Variants in HOOK3 observed in about 807,000 individuals in gnomAD.
HOOK3 encodes hook microtubule tethering protein 3.
HOOK3 carries 24 observed loss-of-function variants against 116.3 expected under a neutral mutation model. The ratio of observed to expected loss-of-function variants is 0.21; its 90% CI spans 0.15 to 0.29. The LOEUF is 0.29. Among genes scored for constraint, HOOK3 ranks in the 10% least tolerant of loss-of-function variants. The pLI is 1.00. For missense variants in HOOK3, 632 were observed against 830.2 expected (o/e 0.76, Z 2.93); for synonymous variants, 275 against 283.0 (o/e 0.97, Z 0.28).
intron 3 of HOOK3, 45 bp downstream of exon 3, chr8:42,925,674 G>T (rs200235234): frequency 1.6e-6 from 2 of 1,285,178 alleles, no homozygotes; most frequent in East Asian, 4.7e-5. Flanking sequence ...ATTTGTATGT[G>T]TATAATATCT....
At chr8:42,930,017 TTTATGA>T in intron 3 of HOOK3, 99 bp from the exon 4 acceptor site, 1 of 955,926 alleles carries the variant, frequency 1.0e-6, no homozygotes, top group Middle Eastern at 2.2e-4. Context: ...TAATATTTAC[TTTATGA>T]TTAACTGCAG....
chr8:42,971,282 ACAGAGT>A (rs1255168428), intron 11 of HOOK3, among the ~76,000 whole-genome samples: 1 of 151,630 alleles, frequency 6.6e-6, no homozygotes, highest in Non-Finnish European at 1.5e-5. Flanking sequence ...TTTTCTGGAG[ACAGAGT>A]CAGAGTCTCG....
In HOOK3 at chr8:42,968,028, A is replaced by C; in HGVS notation, c.936A>C (p.Lys312Asn). 2 of 1,559,032 alleles carry C rather than the reference A, an allele frequency of 1.3e-6. No individual in the cohort carries two copies. The highest frequency in any genetic ancestry group is 1.4e-5 in the African/African-American group (1 of 73,678). The change falls in exon 11 of 22, where the codon AAA (lysine) becomes AAC (asparagine). Residue 312 changes from lysine (K) to asparagine (N), a missense_variant. By Grantham distance (94) the Lys-to-Asn change is moderately conservative. This residue lies in a region of HOOK3 where 483 missense variants were observed against 648.1 expected (regional missense o/e 0.75). Transcript: ENST00000307602. ...CTAATTCTAGACATTCTTCTGATAA[A>C]GTATCTAAACTAGAAGGTCAAGTAG... ...EIDVLRHSSD[K>N]VSKLEGQVES...
intron 8 of HOOK3, among the ~76,000 whole-genome samples, chr8:42,959,629 G>C (rs1002333705): frequency 7.0e-6 from 1 of 141,906 alleles, no homozygotes; most frequent in Non-Finnish European, 1.5e-5. Flanking sequence ...TGAGGCAGGA[G>C]AATTGCTTGA....
Position 42,897,048 on chromosome 8 carries a change from A to T in HOOK3, c.-84A>T. 1.9e-6 allele frequency: 2 copies of T among 1,074,242 alleles called. No individual in the cohort carries two copies. Among genetic ancestry groups the T allele is most frequent in the Non-Finnish European group, 2.4e-6 (2 of 841,056 alleles). 66.5% of individuals were successfully genotyped at this position (1,074,242 alleles called of 1,614,324 possible). A position where few individuals can be genotyped will look rare whatever the true frequency, so the allele number is the denominator to read the frequency against. The stretch of plus-strand genomic sequence containing the variant: ...GAGCAGGCGGGCCTGAGGCCGAGTC[A>T]GCTGCGCGGGCCCCCGGATCCCCCG... On this transcript the variant is annotated 5_prime_UTR_variant, in exon 1 of 22. Coordinates refer to ENST00000307602, the MANE Select transcript of HOOK3 (RefSeq NM_032410.4).
rs532839951 is a variant in HOOK3 at position 42,995,525 on chromosome 8, C to T, written c.1533-2025C>T. On this transcript the variant is annotated intron_variant, in intron 15 of 21. Transcript: ENST00000307602. ...TCCTCTTTCTACCCCTTGATTGATC[C>T]GCCATGGGCCTTCTTTGTTAGTCTT... Among the ~76,000 whole-genome samples the T allele has an allele frequency of 1.1e-4, 17 of 152,190 alleles. No homozygotes were observed. In the South Asian group the frequency reaches 2.5e-3, roughly 22 times the overall value.
chr8:42,962,191 TC>T (rs1324965829), intron 8 of HOOK3, among the ~76,000 whole-genome samples: 1 of 151,202 alleles, frequency 6.6e-6, no homozygotes, highest in African/African-American at 2.4e-5. Context: ...TAAGTGATCC[TC>T]CCACCTCAGC....
At chr8:42,964,616 C>T (rs1808596976) in intron 9 of HOOK3, 142 bp downstream of exon 9, 13 of 657,078 alleles carry the variant, frequency 2.0e-5, no homozygotes, top group South Asian at 7.0e-5. Flanking sequence ...CACTTGAGGT[C>T]GGGGATTCAA....
chr8:42,990,910 AGTTTT>A (rs2130458137), intron 15 of HOOK3, among the ~76,000 whole-genome samples: 1 of 152,142 alleles, frequency 6.6e-6, no homozygotes, highest in South Asian at 2.1e-4. Flanking sequence ...ACCAATGTCC[AGTTTT>A]GTTTTATTAT....
intron 5 of HOOK3, among the ~76,000 whole-genome samples, chr8:42,946,763 CTTT>C (rs34564365): frequency 2.7e-5 from 2 of 73,928 alleles, no homozygotes; most frequent in African/African-American, 5.7e-5. Context: ...CTCTTTCTTT[CTTT>C]TTTTTTTTTT....
At chr8:42,905,329 G>T (rs527601182) in intron 1 of HOOK3, among the ~76,000 whole-genome samples, 21 of 145,028 alleles carry the variant, frequency 1.4e-4, no homozygotes, top group African/African-American at 2.8e-4. Flanking sequence ...TTTTTTTGGG[G>T]GGGGGGGTGC....
At chr8:42,907,926 G>A (rs781557538) in intron 2 of HOOK3, among the ~76,000 whole-genome samples, 2 of 146,158 alleles carry the variant, frequency 1.4e-5, no homozygotes, top group Admixed American at 6.9e-5. Context: ...AAGCCACAAA[G>A]ACTCCAGAAA....
chr8:43,011,498 A>G (rs1316542727), intron 19 of HOOK3, among the ~76,000 whole-genome samples: 1 of 151,980 alleles, frequency 6.6e-6, no homozygotes, highest in African/African-American at 2.4e-5. Flanking sequence ...CAGTGAAGCA[A>G]TTGGTGAGTC....
intron 14 of HOOK3, among the ~76,000 whole-genome samples, chr8:42,985,783 A>G (rs912098279): frequency 1.3e-5 from 2 of 152,114 alleles, no homozygotes; most frequent in Non-Finnish European, 2.9e-5. Context: ...AAAATACATC[A>G]AATTCTAAAT....
At chr8:42,898,580 G>A (rs1011185885) in intron 1 of HOOK3, among the ~76,000 whole-genome samples, 5 of 152,218 alleles carry the variant, frequency 3.3e-5, no homozygotes, top group Admixed American at 6.5e-5. Flanking sequence ...ACAGAATGCT[G>A]AGGAACTTAA....
At chr8:42,979,828 G>A (rs1808901238) in intron 13 of HOOK3, among the ~76,000 whole-genome samples, 1 of 152,044 alleles carries the variant, frequency 6.6e-6, no homozygotes, top group Admixed American at 6.6e-5. Context: ...ACGACTGAAG[G>A]AAATTATTAT....
intron 14 of HOOK3, among the ~76,000 whole-genome samples, chr8:42,983,136 C>T (rs1304803217): frequency 6.6e-6 from 1 of 152,116 alleles, no homozygotes. Flanking sequence ...AGATCGAGAC[C>T]ATCCTAGCTA....
At chr8:42,954,550 A>G (rs1010277732) in intron 6 of HOOK3, among the ~76,000 whole-genome samples, 1 of 152,246 alleles carries the variant, frequency 6.6e-6, no homozygotes, top group South Asian at 2.1e-4. Flanking sequence ...GACAGAAGGA[A>G]AAATTTTAAA....
chr8:42,997,461 A>G (rs1280379001), intron 15 of HOOK3, 89 bp from the exon 16 acceptor site: 2 of 743,224 alleles, frequency 2.7e-6, no homozygotes, highest in Non-Finnish European at 4.5e-6. Context: ...TGATTTTGCT[A>G]ATTATACTTT....
Sources: gnomAD v4.1 joint callset for allele counts (sites outside exome capture counted in the v4.1 genomes callset) on GRCh38, gnomAD v4.1.1 for gene constraint, gnomAD v4.1.1 regional missense constraint, MANE v1.5 for transcripts, NCBI Gene and HGNC (gene_info 2026-07-23, HGNC 2026-07-21) for gene names.